The following CACNA1B variants were observed in gnomAD, a reference collection of about 807,000 sequenced individuals.
The protein encoded by CACNA1B is voltage-dependent N-type calcium channel subunit alpha-1B.
CACNA1B carries 70 observed loss-of-function variants against 247.2 expected under a neutral mutation model. The ratio of observed to expected loss-of-function variants is 0.28; its 90% CI spans 0.23 to 0.35. The LOEUF is 0.35. CACNA1B is among the 10% of genes least tolerant of loss of function. The probability of loss-of-function intolerance (pLI) is 1.00; values close to 1 mark genes in which losing one functional copy is unlikely to be tolerated. For synonymous variants in CACNA1B, 1,231 were observed against 1,294.4 expected (o/e 0.95, Z 1.05); for missense variants, 2,367 against 3,197.4 (o/e 0.74, Z 6.26).
chr9:137,941,922 G>A (rs1446754069), intron 6 of CACNA1B, among the ~76,000 whole-genome samples: 3 of 152,124 alleles, frequency 2.0e-5, no homozygotes, highest in African/African-American at 2.4e-5. Flanking sequence ...GCTTAGGCAA[G>A]GACTTCATGA....
At chr9:137,951,743 C>T (rs1159266349) in intron 6 of CACNA1B, among the ~76,000 whole-genome samples, 3 of 152,226 alleles carry the variant, frequency 2.0e-5, no homozygotes, top group East Asian at 1.9e-4. Flanking sequence ...GAGTGCTGGG[C>T]GCTGTCTCAG....
chr9:137,905,284 C>T (rs578233933), intron 3 of CACNA1B, among the ~76,000 whole-genome samples: 2 of 150,372 alleles, frequency 1.3e-5, no homozygotes, highest in South Asian at 2.1e-4. Flanking sequence ...ACCCAGGAGG[C>T]GGAGCTTGCA....
rs558258139 is a variant in CACNA1B at position 137,878,901 on chromosome 9, C to T, written c.285-153C>T. On this transcript the variant is annotated intron_variant, in intron 1 of 46. Transcript: ENST00000371372. ...GGATGGGGGCAGGGAGTGAGGGAGA[C>T]CAGGCCGCTTCCGCCAGGAGAGGGG... is the stretch of plus-strand genomic sequence containing the variant. 3.9e-5 allele frequency among the ~76,000 whole-genome samples: 6 copies of T among 152,320 alleles called. No individual in the cohort carries two copies. In the East Asian group the frequency reaches 9.7e-4, roughly 25 times the overall value.
intron 15 of CACNA1B, among the ~76,000 whole-genome samples, chr9:138,002,712 G>T (rs1958592820): frequency 6.6e-6 from 1 of 151,816 alleles, no homozygotes. Flanking sequence ...TAGAAGAAAA[G>T]AAAGAAAAAA....
At chr9:137,890,423 C>G (rs1434952566) in intron 3 of CACNA1B, 2 of 149,978 alleles carry the variant, frequency 1.3e-5, no homozygotes, top group Non-Finnish European at 3.0e-5. Context: ...GTCTGGGCTG[C>G]TGTCCTCAGG....
chr9:138,023,724 A>G lies in CACNA1B; in HGVS notation c.2981A>G (p.Lys994Arg). 1 of 1,010,806 alleles carries G rather than the reference A, an allele frequency of 9.9e-7. No individual in the cohort carries two copies. The highest frequency in any genetic ancestry group is 2.3e-5 in the South Asian group (1 of 43,952). The allele number at this position is 1,010,806 out of a possible 1,614,324, so 62.6% of individuals were successfully genotyped here. A position where few individuals can be genotyped will look rare whatever the true frequency, so the allele number is the denominator to read the frequency against. Reference protein sequence around the residue: ...KAQPAHEAVEKETTEKEATEK... With the variant: ...KAQPAHEAVERETTEKEATEK... ...CAGCCTGCTCACGAGGCTGTGGAGA[A>G]GGAGACCACGGAGAAGGAGGCCACG... is the stretch of plus-strand genomic sequence containing the variant. The change falls in exon 19 of 47, where the codon AAG becomes AGG. Residue 994 changes from lysine to arginine, a missense_variant. Physicochemically the swap from Lys to Arg is conservative, Grantham distance 26. Coordinates refer to ENST00000371372, the MANE Select transcript of CACNA1B (RefSeq NM_000718.4).
rs1958710361 is a variant in CACNA1B at position 138,010,494 on chromosome 9, T to C, written c.2160+417T>C. Among the ~76,000 whole-genome samples, 1 of 152,174 alleles carries C rather than the reference T, an allele frequency of 6.6e-6. No homozygotes were observed. The highest frequency in any genetic ancestry group is 1.5e-5 in the Non-Finnish European group (1 of 68,018). Reference sequence around the variant, plus strand: ...GCCTGGTGGGGGATGCAATTGTACATGTCTCCCTCTGTGATATCCCTCCGG... The same window carrying C: ...GCCTGGTGGGGGATGCAATTGTACACGTCTCCCTCTGTGATATCCCTCCGG... On this transcript the variant is annotated intron_variant, in intron 17 of 46. Transcript: ENST00000371372. This position sits in a 1 kb window ranked among gnomAD's most constrained non-coding sequence, Gnocchi z 5.3.
At chr9:138,083,152 A>C (rs1461855592) in intron 36 of CACNA1B, among the ~76,000 whole-genome samples, 2 of 151,222 alleles carry the variant, frequency 1.3e-5, no homozygotes, top group African/African-American at 4.9e-5. Flanking sequence ...AACACTGCTC[A>C]GCCCCTGTGG....
At chr9:138,066,858 T>C (rs1437214469) in intron 31 of CACNA1B, among the ~76,000 whole-genome samples, 1 of 151,780 alleles carries the variant, frequency 6.6e-6, no homozygotes, top group Non-Finnish European at 1.5e-5. Context: ...CAGAATAAGC[T>C]CAATAAAGTA....
intron 6 of CACNA1B, among the ~76,000 whole-genome samples, chr9:137,948,679 G>C (rs1271329996): frequency 6.6e-6 from 1 of 151,682 alleles, no homozygotes; most frequent in African/African-American, 2.4e-5. Flanking sequence ...TGTCTGGTGT[G>C]TGTGGTGTGC....
At chr9:138,087,334 A>G (rs370176178) in intron 36 of CACNA1B, among the ~76,000 whole-genome samples, 1 of 146,980 alleles carries the variant, frequency 6.8e-6, no homozygotes, top group African/African-American at 2.6e-5. Context: ...GCAGTGAGCC[A>G]AGATTGCACC....
chr9:138,087,748 AAG>A (rs1157861632), intron 36 of CACNA1B, among the ~76,000 whole-genome samples: 2 of 150,670 alleles, frequency 1.3e-5, no homozygotes, highest in Non-Finnish European at 3.0e-5. Flanking sequence ...AAGACAGAAA[AAG>A]AGAAGAAAAA....
intron 15 of CACNA1B, among the ~76,000 whole-genome samples, chr9:137,996,277 G>A (rs1338611552): frequency 6.6e-6 from 1 of 152,186 alleles, no homozygotes; most frequent in African/African-American, 2.4e-5. Flanking sequence ...ATTGGTCAAC[G>A]AGTGGATGAA....
At chr9:138,113,126 G>A (rs1279816140) in intron 40 of CACNA1B, among the ~76,000 whole-genome samples, 1 of 148,138 alleles carries the variant, frequency 6.8e-6, no homozygotes, top group East Asian at 2.0e-4. Context: ...TCTTGTGGGA[G>A]ACGTGAGGGA....
Position 137,928,318 on chromosome 9 carries a change from G to A in CACNA1B, c.966+10887G>A, listed in dbSNP as rs555659625. Among the ~76,000 whole-genome samples, 41 of 152,208 alleles carry A rather than the reference G, an allele frequency of 2.7e-4. No individual in the cohort carries two copies. In the East Asian group the frequency reaches 7.3e-3, roughly 27 times the overall value. Reference sequence around the variant, plus strand: ...TCACCATGTTGGCCTGGATGGTCTCGATCTCTTGACTTTGTGATCTGCCTG... The same window carrying A: ...TCACCATGTTGGCCTGGATGGTCTCAATCTCTTGACTTTGTGATCTGCCTG... On this transcript the variant is annotated intron_variant, in intron 6 of 46. Coordinates refer to ENST00000371372, the MANE Select transcript of CACNA1B (RefSeq NM_000718.4).
chr9:137,987,287 C>G (rs569138743), intron 15 of CACNA1B, among the ~76,000 whole-genome samples: 10 of 152,160 alleles, frequency 6.6e-5, no homozygotes, highest in African/African-American at 2.2e-4. Context: ...AAAACTACCC[C>G]CCTCAGCTCC....
At chr9:138,099,918 T>G (rs1961197774) in intron 37 of CACNA1B, among the ~76,000 whole-genome samples, 1 of 152,238 alleles carries the variant, frequency 6.6e-6, no homozygotes, top group Admixed American at 6.5e-5. Context: ...TGTCCACCCA[T>G]CTGTCTAATA....
intron 36 of CACNA1B, among the ~76,000 whole-genome samples, chr9:138,089,529 G>T (rs2131333997): frequency 6.6e-6 from 1 of 152,176 alleles, no homozygotes; most frequent in Middle Eastern, 3.4e-3. Flanking sequence ...CACAATAAAG[G>T]TTGTATATGA....
chr9:138,087,370 G>C, intron 36 of CACNA1B, among the ~76,000 whole-genome samples: 1 of 108,158 alleles, frequency 9.2e-6, no homozygotes, highest in Non-Finnish European at 1.7e-5. Flanking sequence ...GGGTGACAGA[G>C]TAAGACTCTG....
Sources: allele counts gnomAD v4.1 joint callset (sites outside exome capture counted in the v4.1 genomes callset), GRCh38; gene constraint gnomAD v4.1.1; non-coding constraint Gnocchi (gnomAD v3.1); transcripts MANE v1.5; gene names NCBI Gene and HGNC (gene_info 2026-07-23, HGNC 2026-07-21).